The following NSUN2 variants were observed in gnomAD, a reference collection of about 807,000 sequenced individuals.
NSUN2 encodes NOP2/Sun RNA methyltransferase 2, also known as RNA cytosine C(5)-methyltransferase NSUN2.
NSUN2 carries 63 observed loss-of-function variants against 92.7 expected under a neutral mutation model. The ratio of observed to expected loss-of-function variants is 0.68; its 90% CI spans 0.56 to 0.84. The LOEUF is 0.84. Among genes scored for constraint, NSUN2 ranks in the 40% least tolerant of loss-of-function variants. The pLI, the probability that NSUN2 is intolerant of heterozygous loss-of-function variation, is 0.00. For synonymous variants in NSUN2, 356 were observed against 348.3 expected, an observed-to-expected ratio of 1.02 and a Z score of -0.25; for missense variants, 989 against 964.9, an observed-to-expected ratio of 1.02 and a Z score of -0.33.
intron 7 of NSUN2, among the ~76,000 whole-genome samples, chr5:6,618,297 AT>A (rs1302041408): frequency 3.9e-5 from 6 of 152,242 alleles, no homozygotes; most frequent in Non-Finnish European, 5.9e-5. Flanking sequence ...ATGTGCTTCC[AT>A]TTGGAAAAAA....
chr5:6,612,346 G>C (rs1415418162), intron 9 of NSUN2, among the ~76,000 whole-genome samples: 1 of 152,164 alleles, frequency 6.6e-6, no homozygotes, highest in Non-Finnish European at 1.5e-5. Context: ...TGCTGAAAAT[G>C]AACTATGGGA....
intron 14 of NSUN2, among the ~76,000 whole-genome samples, chr5:6,606,315 G>A (rs946254515): frequency 7.9e-5 from 12 of 152,066 alleles, no homozygotes; most frequent in East Asian, 3.9e-4. Context: ...ACGGAGTCTC[G>A]CTCTGTCGCC....
chr5:6,612,503 A>G (rs1045772029), intron 9 of NSUN2, among the ~76,000 whole-genome samples: 4 of 152,236 alleles, frequency 2.6e-5, no homozygotes, highest in Admixed American at 2.6e-4. Flanking sequence ...ATAAGAAGCT[A>G]TAAGGTGAGG....
intron 3 of NSUN2, among the ~76,000 whole-genome samples, chr5:6,629,507 T>C (rs923821113): frequency 3.3e-5 from 5 of 152,214 alleles, no homozygotes; most frequent in African/African-American, 1.2e-4. Flanking sequence ...TTCTTCATCT[T>C]AAAAGCATTT....
Position 6,611,841 on chromosome 5 carries a change from T to C in NSUN2, c.1022-43A>G, listed in dbSNP as rs747717976. Reference sequence around the variant, plus strand: ...GGACGTCTTTTGTTTTTCAAAAAAGTATTAACACACTATGCTCAGTGAAAA... The same window carrying C: ...GGACGTCTTTTGTTTTTCAAAAAAGCATTAACACACTATGCTCAGTGAAAA... On this transcript the variant is annotated intron_variant, in intron 9 of 18. Transcript: ENST00000264670. 16 of 1,505,240 alleles carry C rather than the reference T, an allele frequency of 1.1e-5. No individual in the cohort carries two copies. In the African/African-American group the frequency reaches 1.7e-4, roughly 16 times the overall value. 93.2% of individuals were successfully genotyped at this position (1,505,240 alleles called of 1,614,324 possible).
intron 11 of NSUN2, among the ~76,000 whole-genome samples, chr5:6,610,395 A>G (rs1443922831): frequency 6.6e-6 from 1 of 152,020 alleles, no homozygotes; most frequent in Admixed American, 6.5e-5. Flanking sequence ...TAATCTTTAA[A>G]AAGTTCATGA....
rs771571224 is a variant in NSUN2 at position 6,607,362 on chromosome 5, G to T, written c.1346C>A (p.Thr449Asn). The change falls in exon 13 of 19, where the codon ACC becomes AAC. Residue 449 changes from threonine to asparagine, a missense_variant. This residue lies in a region of NSUN2 where 626 missense variants were observed against 602.3 expected (regional missense o/e 1.04). Transcript: ENST00000264670. ...QPKLQGKSAE[T>N]RESTQLSPAD... is the part of the protein sequence containing the mutation. Reference sequence around the variant, plus strand: ...AGGGCTCAGCTGTGTGCTTTCTCTGGTCTCTGCAGATTTACCCTGAAGCTG... The same window carrying T: ...AGGGCTCAGCTGTGTGCTTTCTCTGTTCTCTGCAGATTTACCCTGAAGCTG... 1 of 1,613,880 alleles carries T rather than the reference G, an allele frequency of 6.2e-7. No homozygotes were observed. The highest frequency in any genetic ancestry group is 8.5e-7 in the Non-Finnish European group (1 of 1,179,878).
intron 5 of NSUN2, 130 bp from the exon 6 acceptor site, chr5:6,622,230 T>C (rs960712456): frequency 1.2e-5 from 8 of 679,080 alleles, no homozygotes; most frequent in Non-Finnish European, 2.0e-5. Flanking sequence ...GTCTATAGCA[T>C]GACATAATTT....
At chr5:6,600,891 T>C (rs3776445) in intron 18 of NSUN2, among the ~76,000 whole-genome samples, 41,274 of 152,148 alleles carry the variant, frequency 0.27, 5,826 homozygotes, top group African/African-American at 0.33. Context: ...CCTGCCTCTC[T>C]GAACATGCTC....
intron 11 of NSUN2, among the ~76,000 whole-genome samples, chr5:6,610,168 A>T (rs1736929558): frequency 6.6e-6 from 1 of 151,334 alleles, no homozygotes; most frequent in Non-Finnish European, 1.5e-5. Context: ...GGCTCAGGAG[A>T]TCCTCCTGCC....
intron 18 of NSUN2, among the ~76,000 whole-genome samples, chr5:6,600,927 A>ACCTGTCCAGCCC (rs1211833717): frequency 1.3e-5 from 2 of 152,034 alleles, no homozygotes; most frequent in African/African-American, 4.8e-5. Flanking sequence ...TCCAGGCTCC[A>ACCTGTCCAGCCC]CCTGTCCAGC....
Position 6,605,288 on chromosome 5 carries a change from G to A in NSUN2, c.1722C>T (p.Asn574=). The part of the protein sequence containing the change: ...SKELRNVLLN[N]SEKMKVINTG... ...CGGCTGGCACCTTCATCTTCTCACT[G>A]TTATTCAGCAGCACATTCCGCAACT... Residue 574 remains asparagine, a synonymous_variant, in exon 15 of 19, where the codon AAC becomes AAT. Coordinates refer to ENST00000264670, the MANE Select transcript of NSUN2 (RefSeq NM_017755.6). 1.9e-6 allele frequency: 3 copies of A among 1,614,156 alleles called. No homozygotes were observed. Among genetic ancestry groups the A allele is most frequent in the Non-Finnish European group, 2.5e-6 (3 of 1,179,998 alleles).
At chr5:6,604,364 G>C in intron 16 of NSUN2, 88 bp from the exon 17 acceptor site, 2 of 1,263,564 alleles carry the variant, frequency 1.6e-6, no homozygotes, top group Non-Finnish European at 2.2e-6. Flanking sequence ...TGCTCTTAGC[G>C]GCTATGGTGG....
rs3776447 is a variant in NSUN2, at chr5:6,600,551, C to T, written c.1998-319G>A. Among the ~76,000 whole-genome samples, 12 of 152,278 alleles carry T rather than the reference C, an allele frequency of 7.9e-5. No homozygotes were observed. The East Asian group carries it at 9.7e-4, about 12-fold the overall frequency. Reference sequence around the variant, plus strand: ...CTTCTCAAACTTAACTTACTGTCCCCGCCACCCCGTGTCACCTCACCCCAC... The same window carrying T: ...CTTCTCAAACTTAACTTACTGTCCCTGCCACCCCGTGTCACCTCACCCCAC... On this transcript the variant is annotated intron_variant, in intron 18 of 18. Transcript: ENST00000264670.
At chr5:6,624,384 G>A (rs1417491303) in intron 4 of NSUN2, among the ~76,000 whole-genome samples, 2 of 151,962 alleles carry the variant, frequency 1.3e-5, no homozygotes, top group African/African-American at 4.8e-5. Context: ...CTCTCATCAC[G>A]CTGACTCCTA....
At position 6,633,013 on chromosome 5, in the gene NSUN2, C is replaced by G; in HGVS notation, c.-34G>C. The G allele has an allele frequency of 7.1e-7, 1 of 1,417,432 alleles. No homozygotes were observed. The highest frequency in any genetic ancestry group is 9.1e-7 in the Non-Finnish European group (1 of 1,096,758). The allele number at this position is 1,417,432 out of a possible 1,614,324, so 87.8% of individuals were successfully genotyped here. ...CGGCCGCGCACGCAGCACGCAGAAA[C>G]CGGCCCGCCACGGCCAGAACTCTAG... On this transcript the variant is annotated 5_prime_UTR_variant, in exon 1 of 19. Coordinates refer to ENST00000264670, the MANE Select transcript of NSUN2 (RefSeq NM_017755.6).
chr5:6,620,597 CA>C (rs374696844), intron 6 of NSUN2: 1,354 of 211,268 alleles, frequency 6.4e-3, no homozygotes, highest in Middle Eastern at 0.01. Flanking sequence ...CGATTAACTA[CA>C]AAAAAAAAAG....
chr5:6,603,988 G>C (rs1035143997), intron 17 of NSUN2, 150 bp downstream of exon 17: 3 of 700,990 alleles, frequency 4.3e-6, no homozygotes, highest in Non-Finnish European at 7.1e-6. Flanking sequence ...CTGTCAATCA[G>C]GGATCTACAG....
chr5:6,601,288 G>A (rs1736545521), intron 18 of NSUN2, among the ~76,000 whole-genome samples: 2 of 152,004 alleles, frequency 1.3e-5, no homozygotes, highest in Admixed American at 6.6e-5. Context: ...TTCTATGTGG[G>A]CCACATGGGA....
Sources: gnomAD v4.1 joint callset for allele counts (sites outside exome capture counted in the v4.1 genomes callset) on GRCh38, gnomAD v4.1.1 for gene constraint, gnomAD v4.1.1 regional missense constraint, MANE v1.5 for transcripts, NCBI Gene and HGNC (gene_info 2026-07-23, HGNC 2026-07-21) for gene names.